CTNNA3: variants seen among roughly 807,000 people sequenced by gnomAD.
CTNNA3 encodes the protein catenin alpha 3, also known as catenin alpha-3.
Under a neutral mutation model 95.7 loss-of-function variants are expected in CTNNA3, and 76 were observed. That is an observed-to-expected ratio of 0.79 (90% CI 0.66 to 0.96). CTNNA3 has a LOEUF of 0.96. Among genes scored for constraint, CTNNA3 ranks in the 40% least tolerant of loss-of-function variants. The pLI, the probability that CTNNA3 is intolerant of heterozygous loss-of-function variation, is 0.00. For missense variants in CTNNA3, 1,191 were observed against 1,089.8 expected, an observed-to-expected ratio of 1.09 and a Z score of -1.31; for synonymous variants, 431 against 374.4, an observed-to-expected ratio of 1.15 and a Z score of -1.74.
rs963657474 is a variant in CTNNA3 at position 66,566,994 on chromosome 10, G to C, written c.1375-46221C>G. Reference sequence around the variant, plus strand: ...AGCGGGGAGAAGAGGATGGTAGGGGGAGGGGGAGAGAGAGGAAGTGGGAGA... The same window carrying C: ...AGCGGGGAGAAGAGGATGGTAGGGGCAGGGGGAGAGAGAGGAAGTGGGAGA... On this transcript the variant is annotated intron_variant, in intron 10 of 17. Coordinates refer to ENST00000433211, the MANE Select transcript of CTNNA3 (RefSeq NM_013266.4). Among the ~76,000 whole-genome samples the C allele has an allele frequency of 3.9e-3, 155 of 39,658 alleles. 1 individual carries two copies. Among genetic ancestry groups the C allele is most frequent in the African/African-American group, 0.024 (152 of 6,338 alleles). 26.0% of individuals were successfully genotyped at this position (39,658 alleles called of 152,430 possible).
At chr10:66,498,630 A>T (rs2456683) in intron 11 of CTNNA3, among the ~76,000 whole-genome samples, 1 of 151,554 alleles carries the variant, frequency 6.6e-6, no homozygotes, top group East Asian at 1.9e-4. Context: ...ATTTTACATT[A>T]GGTAATAAAG....
intron 12 of CTNNA3, among the ~76,000 whole-genome samples, chr10:66,334,851 A>G (rs2092376300): frequency 6.6e-6 from 1 of 152,066 alleles, no homozygotes; most frequent in South Asian, 2.1e-4. Context: ...CATTCTCCCC[A>G]TCACTTTCAG....
At chr10:67,657,523 TA>T (rs1166610998) in intron 1 of CTNNA3, among the ~76,000 whole-genome samples, 1 of 151,720 alleles carries the variant, frequency 6.6e-6, no homozygotes, top group East Asian at 1.9e-4. Flanking sequence ...TCAGGTGAAT[TA>T]AAAAAATATG....
intron 7 of CTNNA3, among the ~76,000 whole-genome samples, chr10:66,988,955 T>C (rs1850885265): frequency 6.6e-6 from 1 of 151,808 alleles, no homozygotes; most frequent in Non-Finnish European, 1.5e-5. Flanking sequence ...TCCTTACACA[T>C]CCGGGTGCTT....
At position 67,720,057 on chromosome 10, in the gene CTNNA3, C is replaced by T. The variant is rs540000205; in HGVS notation, c.-2+43377G>A. On this transcript the variant is annotated intron_variant, in intron 1 of 17. Transcript: ENST00000684154. ...TTGATCCCTTCACCATTATGTAATGCCCTTCTTTGTCTTTTTCGTATTTTT... is the reference window on the plus strand; with the variant it reads ...TTGATCCCTTCACCATTATGTAATGTCCTTCTTTGTCTTTTTCGTATTTTT... Among the ~76,000 whole-genome samples, 5 of 139,380 alleles carry T rather than the reference C, an allele frequency of 3.6e-5. No homozygotes were observed. The South Asian group carries it at 1.1e-3, about 32-fold the overall frequency. 91.4% of individuals were successfully genotyped at this position (139,380 alleles called of 152,430 possible).
chr10:66,599,093 C>T (rs1361701906), intron 10 of CTNNA3, among the ~76,000 whole-genome samples: 3 of 151,946 alleles, frequency 2.0e-5, no homozygotes, highest in Non-Finnish European at 4.4e-5. Flanking sequence ...TAAACCCTTG[C>T]ATATACACAT....
chr10:66,115,582 TAGATAGATAG>T (rs1423826906), intron 13 of CTNNA3, among the ~76,000 whole-genome samples: 5 of 130,154 alleles, frequency 3.8e-5, no homozygotes, highest in African/African-American at 1.4e-4. Context: ...AGATAGATGA[TAGATAGATAG>T]AGATAGAGAT....
chr10:66,996,570 C>T (rs1194829156), intron 7 of CTNNA3, among the ~76,000 whole-genome samples: 1 of 141,966 alleles, frequency 7.0e-6, no homozygotes, highest in African/African-American at 2.6e-5. Flanking sequence ...ATTGCTTGAA[C>T]CCAGCAGGTA....
chr10:66,755,905 G>C (rs1443351525), intron 9 of CTNNA3, among the ~76,000 whole-genome samples: 1 of 152,050 alleles, frequency 6.6e-6, no homozygotes, highest in African/African-American at 2.4e-5. Flanking sequence ...ATAAGACCCA[G>C]TAATTACAAC....
At chr10:66,191,152 C>T (rs898574490) in intron 13 of CTNNA3, among the ~76,000 whole-genome samples, 1 of 152,066 alleles carries the variant, frequency 6.6e-6, no homozygotes, top group African/African-American at 2.4e-5. Context: ...AATCTAAGAA[C>T]TTATATACAT....
chr10:66,672,449 A>C (rs2132475783), intron 9 of CTNNA3, among the ~76,000 whole-genome samples: 1 of 152,236 alleles, frequency 6.6e-6, no homozygotes, highest in African/African-American at 2.4e-5. Flanking sequence ...GAAAGTAATA[A>C]AAATTAGGGA....
intron 6 of CTNNA3, among the ~76,000 whole-genome samples, chr10:67,196,497 T>C (rs1173188113): frequency 5.3e-5 from 8 of 152,082 alleles, no homozygotes; most frequent in African/African-American, 1.9e-4. Context: ...TTTAAAAATC[T>C]TGTAAGTAAT....
chr10:65,959,144 G>A (rs184565424), intron 17 of CTNNA3, among the ~76,000 whole-genome samples: 3 of 152,184 alleles, frequency 2.0e-5, no homozygotes, highest in African/African-American at 7.2e-5. Context: ...ATCTCAGACT[G>A]CTGTGCCAGC....
At position 66,897,896 on chromosome 10, in the gene CTNNA3, C is replaced by A. The variant is rs115537153; in HGVS notation, c.1048-122372G>T. ...AAGTGAGAAATGAACATTTCCAGTACCTGGACTGTGGATACAAAAGGAACC... is the reference window on the plus strand; with the variant it reads ...AAGTGAGAAATGAACATTTCCAGTAACTGGACTGTGGATACAAAAGGAACC... On this transcript the variant is annotated intron_variant, in intron 7 of 17. Coordinates refer to ENST00000433211, the MANE Select transcript of CTNNA3 (RefSeq NM_013266.4). 5.3e-3 allele frequency among the ~76,000 whole-genome samples: 811 copies of A among 152,136 alleles called. 7 individuals are homozygous for A. The highest frequency in any genetic ancestry group is 0.018 in the African/African-American group (747 of 41,504).
intron 9 of CTNNA3, among the ~76,000 whole-genome samples, chr10:66,701,616 G>T (rs1847945817): frequency 1.3e-5 from 2 of 151,982 alleles, no homozygotes; most frequent in African/African-American, 4.8e-5. Context: ...TATTGTAAAA[G>T]GTTTTACTAT....
chr10:66,065,320 T>G (rs1483662956), intron 15 of CTNNA3, among the ~76,000 whole-genome samples: 1 of 152,004 alleles, frequency 6.6e-6, no homozygotes, highest in African/African-American at 2.4e-5. Flanking sequence ...CTTTTACAAT[T>G]TCATTCTGTC....
At chr10:67,394,887 A>C (rs1844658488) in intron 5 of CTNNA3, among the ~76,000 whole-genome samples, 1 of 152,122 alleles carries the variant, frequency 6.6e-6, no homozygotes, top group African/African-American at 2.4e-5. Context: ...TAAGAATATA[A>C]ATCAAAAATT....
intron 17 of CTNNA3, among the ~76,000 whole-genome samples, 184 bp from the exon 18 acceptor site, chr10:65,920,801 G>A (rs1191604236): frequency 6.6e-6 from 1 of 151,986 alleles, no homozygotes; most frequent in Non-Finnish European, 1.5e-5. Flanking sequence ...ACCGCAGCCT[G>A]GGTGACAGTG....
At chr10:66,763,235 G>C (rs186676575) in intron 9 of CTNNA3, among the ~76,000 whole-genome samples, 7 of 151,404 alleles carry the variant, frequency 4.6e-5, no homozygotes, top group African/African-American at 1.7e-4. Context: ...CTGTTGCTTT[G>C]GTTAGGAAGA....
Sources: allele counts gnomAD v4.1 joint callset (sites outside exome capture counted in the v4.1 genomes callset), GRCh38; gene constraint gnomAD v4.1.1; transcripts MANE v1.5; gene names NCBI Gene and HGNC (gene_info 2026-07-23, HGNC 2026-07-21).